EMCN: variants seen among roughly 807,000 people sequenced by gnomAD.
EMCN encodes the protein endomucin, also known as MUC-14.
A neutral mutation model predicts 38.4 loss-of-function variants in EMCN; 37 were observed. That is an observed-to-expected ratio of 0.96 (90% CI 0.74 to 1.27). EMCN has a LOEUF of 1.27. Ranked by LOEUF, EMCN falls within the 50% of genes most tolerant of loss-of-function variation. The pLI is 0.00. For missense variants in EMCN, 318 were observed against 302.8 expected, an observed-to-expected ratio of 1.05 and a Z score of -0.37; for synonymous variants, 95 against 100.8, an observed-to-expected ratio of 0.94 and a Z score of 0.35.
chr4:100,431,174 T>A (rs753548785), intron 5 of EMCN, among the ~76,000 whole-genome samples: 1 of 152,166 alleles, frequency 6.6e-6, no homozygotes, highest in Non-Finnish European at 1.5e-5. Flanking sequence ...TTTGTTTTTC[T>A]ATCAGATGTA....
chr4:100,425,949 T>A (rs1727032910), intron 5 of EMCN, among the ~76,000 whole-genome samples: 1 of 152,094 alleles, frequency 6.6e-6, no homozygotes, highest in South Asian at 2.1e-4. Context: ...GTGGCTAGGT[T>A]GTTTCAGGAT....
intron 4 of EMCN, among the ~76,000 whole-genome samples, chr4:100,454,766 A>G (rs1252394409): frequency 1.3e-5 from 2 of 152,184 alleles, no homozygotes; most frequent in African/African-American, 4.8e-5. Context: ...GGTGTCTTGT[A>G]CTTTCTTTAA....
intron 1 of EMCN, among the ~76,000 whole-genome samples, chr4:100,492,453 A>G (rs73833358): frequency 7.4e-4 from 113 of 152,256 alleles, no homozygotes; most frequent in African/African-American, 2.0e-3. Context: ...AGAGAAAAGC[A>G]AAAGAGGAAA....
chr4:100,413,071 G>C (rs1726609474), intron 10 of EMCN, among the ~76,000 whole-genome samples: 1 of 152,162 alleles, frequency 6.6e-6, no homozygotes, highest in Non-Finnish European at 1.5e-5. Flanking sequence ...CTGTACCATA[G>C]TAAAATGTCC....
rs548713561 is a variant in EMCN, at chr4:100,398,051, G to A, written c.*362C>T. On this transcript the variant is annotated 3_prime_UTR_variant, in exon 12 of 12. Coordinates refer to ENST00000296420, the MANE Select transcript of EMCN (RefSeq NM_016242.4). ...CTTCATGGATAAAAATTCTTGGCCC[G>A]GAAAACTTTAAACATTAAGGAAAGT... is the stretch of plus-strand genomic sequence containing the variant. The A allele has an allele frequency of 6.6e-5, 10 of 151,434 alleles. No individual in the cohort carries two copies. The highest frequency in any genetic ancestry group is 6.3e-4 in the South Asian group (3 of 4,796). 9.4% of individuals were successfully genotyped at this position (151,434 alleles called of 1,614,324 possible).
chr4:100,415,258 T>C (rs1726691626), intron 10 of EMCN, among the ~76,000 whole-genome samples: 1 of 152,222 alleles, frequency 6.6e-6, no homozygotes, highest in African/African-American at 2.4e-5. Context: ...ATCAATGGTT[T>C]AAATGTCTAA....
intron 5 of EMCN, among the ~76,000 whole-genome samples, chr4:100,431,797 TTCTC>T (rs769314501): frequency 4.0e-5 from 6 of 149,244 alleles, no homozygotes; most frequent in South Asian, 2.1e-4. Context: ...CTCTATCTAT[TTCTC>T]TCTCTCTCTC....
At chr4:100,429,536 T>G (rs1002454877) in intron 5 of EMCN, among the ~76,000 whole-genome samples, 1 of 152,114 alleles carries the variant, frequency 6.6e-6, no homozygotes. Context: ...TGCACTCTTA[T>G]AGCAATGCAA....
At chr4:100,411,596 A>C (rs1198140412) in intron 10 of EMCN, among the ~76,000 whole-genome samples, 1 of 152,116 alleles carries the variant, frequency 6.6e-6, no homozygotes, top group Non-Finnish European at 1.5e-5. Flanking sequence ...GTGAAAAAAA[A>C]ATCCAGAGGG....
intron 4 of EMCN, among the ~76,000 whole-genome samples, chr4:100,458,360 A>G (rs1728076505): frequency 6.6e-6 from 1 of 152,044 alleles, no homozygotes; most frequent in South Asian, 2.1e-4. Flanking sequence ...AATCTTTGAG[A>G]TCTCAAACAC....
At chr4:100,466,359 G>A (rs1560627089) in intron 3 of EMCN, among the ~76,000 whole-genome samples, 1 of 152,208 alleles carries the variant, frequency 6.6e-6, no homozygotes. Flanking sequence ...GAGTAGAATG[G>A]AGCAAGAATT....
chr4:100,474,720 T>C (rs1216712834), intron 3 of EMCN, among the ~76,000 whole-genome samples: 1 of 152,146 alleles, frequency 6.6e-6, no homozygotes, highest in Non-Finnish European at 1.5e-5. Flanking sequence ...CTTGAAAACT[T>C]TATGCTAAGT....
At chr4:100,419,081 A>C (rs1726817542) in intron 8 of EMCN, among the ~76,000 whole-genome samples, 1 of 152,020 alleles carries the variant, frequency 6.6e-6, no homozygotes, top group Non-Finnish European at 1.5e-5. Context: ...TGCCTGTTTT[A>C]ATATTTTTTC....
chr4:100,497,119 T>C (rs1250476831), intron 1 of EMCN, among the ~76,000 whole-genome samples: 1 of 151,812 alleles, frequency 6.6e-6, no homozygotes. Context: ...ATGTAGTTGA[T>C]TAAAAACCGC....
At position 100,447,360 on chromosome 4, in the gene EMCN, T is replaced by C. The variant is rs114469986; in HGVS notation, c.415+173A>G. Among the ~76,000 whole-genome samples the C allele has an allele frequency of 9.8e-3, 1,492 of 152,248 alleles. 26 individuals are homozygous for C. The highest frequency in any genetic ancestry group is 0.034 in the African/African-American group (1,411 of 41,538). On this transcript the variant is annotated intron_variant, in intron 5 of 11. Transcript: ENST00000296420. The stretch of plus-strand genomic sequence containing the variant: ...AACACTTAGACATGTCCTTATATGT[T>C]CTCCTGGTCTGCATTTTTTTAAACT...
chr4:100,430,763 A>C (rs1255985506), intron 5 of EMCN, among the ~76,000 whole-genome samples: 6 of 152,174 alleles, frequency 3.9e-5, no homozygotes, highest in Non-Finnish European at 1.5e-5. Flanking sequence ...AATCTGTACA[A>C]TTTCTTAAGG....
chr4:100,421,258 A>G, intron 8 of EMCN, 24 bp downstream of exon 8: 1 of 1,596,624 alleles, frequency 6.3e-7, no homozygotes, highest in South Asian at 1.1e-5. Flanking sequence ...TTTCAGGAAA[A>G]CAAAACAAAA....
chr4:100,417,849 C>G (rs1219441598), intron 8 of EMCN, among the ~76,000 whole-genome samples: 1 of 152,172 alleles, frequency 6.6e-6, no homozygotes, highest in Non-Finnish European at 1.5e-5. Flanking sequence ...CCAATCAGGC[C>G]AGCTGTTTAA....
chr4:100,403,780 A>G (rs966382955), intron 11 of EMCN, among the ~76,000 whole-genome samples: 1 of 151,982 alleles, frequency 6.6e-6, no homozygotes, highest in Non-Finnish European at 1.5e-5. Flanking sequence ...CTGATATGAG[A>G]CAGCATCTCA....
Sources: gnomAD v4.1 joint callset for allele counts (sites outside exome capture counted in the v4.1 genomes callset) on GRCh38, gnomAD v4.1.1 for gene constraint, MANE v1.5 for transcripts, NCBI Gene and HGNC (gene_info 2026-07-23, HGNC 2026-07-21) for gene names.